Variants in SEPTIN2 observed in about 807,000 individuals in gnomAD.
SEPTIN2 encodes septin 2, also known as septin-2.
In SEPTIN2, 34 loss-of-function variants were observed where a neutral mutation model predicts 46.5. That is an observed-to-expected ratio of 0.73 (90% CI 0.56 to 0.97). The LOEUF (loss-of-function observed/expected upper bound fraction) is 0.97, where lower values mean the gene tolerates loss of function less well. Among genes scored for constraint, SEPTIN2 ranks in the 50% least tolerant of loss-of-function variants. The probability of loss-of-function intolerance (pLI) is 0.00; values close to 1 mark genes in which losing one functional copy is unlikely to be tolerated. For synonymous variants in SEPTIN2, 175 were observed against 153.4 expected, an observed-to-expected ratio of 1.14 and a Z score of -1.04; for missense variants, 347 against 448.4, an observed-to-expected ratio of 0.77 and a Z score of 2.04.
intron 5 of SEPTIN2, 104 bp from the exon 6 acceptor site, chr2:241,337,278 A>G (rs1241596591): frequency 9.5e-7 from 1 of 1,047,518 alleles, no homozygotes; most frequent in Non-Finnish European, 1.4e-6. Context: ...AAAATGAATT[A>G]TTAAATTATG....
intron 1 of SEPTIN2, chr2:241,320,158 CTG>C (rs1236668248): frequency 1.1e-5 from 5 of 462,932 alleles, no homozygotes; most frequent in Admixed American, 4.9e-5. Context: ...GTTATTAAAA[CTG>C]TGCTGTCTTC....
At chr2:241,338,882 T>TA (rs1179350173) in intron 7 of SEPTIN2, among the ~76,000 whole-genome samples, 13 of 91,232 alleles carry the variant, frequency 1.4e-4, no homozygotes, top group African/African-American at 6.5e-4. Flanking sequence ...TTAATATATC[T>TA]ATAATATATA....
chr2:241,350,632 C>A (rs78091761), intron 12 of SEPTIN2, among the ~76,000 whole-genome samples: 19 of 152,284 alleles, frequency 1.2e-4, no homozygotes, highest in African/African-American at 3.8e-4. Context: ...AGAGATGGCA[C>A]AAGGAAGAAG....
intron 6 of SEPTIN2, 41 bp from the exon 7 acceptor site, chr2:241,337,632 T>C (rs2080254797): frequency 1.9e-6 from 3 of 1,585,648 alleles, no homozygotes; most frequent in East Asian, 2.2e-5. Flanking sequence ...GTTTTGTATG[T>C]ATTTTTTTTA....
At chr2:241,345,723 C>CT (rs2060168056) in intron 9 of SEPTIN2, among the ~76,000 whole-genome samples, 3 of 152,180 alleles carry the variant, frequency 2.0e-5, no homozygotes, top group Admixed American at 6.5e-5. Context: ...CTAACCAACT[C>CT]TTTTTTCTCA....
chr2:241,343,370 A>T (rs537414319), intron 8 of SEPTIN2, among the ~76,000 whole-genome samples: 4 of 152,180 alleles, frequency 2.6e-5, no homozygotes, highest in African/African-American at 9.6e-5. Flanking sequence ...GTGGTGGTGC[A>T]CACCTGTAGT....
intron 7 of SEPTIN2, among the ~76,000 whole-genome samples, chr2:241,338,923 G>T (rs1354631027): frequency 2.6e-4 from 17 of 66,124 alleles, no homozygotes; most frequent in Admixed American, 7.7e-4. Flanking sequence ...ATATATAATT[G>T]TACATATATT....
Position 241,324,198 on chromosome 2 carries a change from GTGT to G in SEPTIN2, c.-17-16_-17-14del, listed in dbSNP as rs754497959. On this transcript the variant is annotated splice_polypyrimidine_tract_variant and intron_variant, in intron 1 of 12. Coordinates refer to ENST00000391971, the MANE Select transcript of SEPTIN2 (RefSeq NM_004404.5). ...TGTATGTGCGTTTATGTGTGTCTGT[GTGT>G]TTTTTTTTTAACAGACGAAGCTTCA... 1.9e-6 allele frequency: 3 copies of G among 1,606,976 alleles called. No homozygotes were observed. The highest frequency in any genetic ancestry group is 2.2e-5 in the South Asian group (2 of 89,006).
At chr2:241,317,787 A>G (rs1575111910) in intron 1 of SEPTIN2, among the ~76,000 whole-genome samples, 1 of 152,260 alleles carries the variant, frequency 6.6e-6, no homozygotes, top group African/African-American at 2.4e-5. Flanking sequence ...TTCATCTTCT[A>G]TCTTTTGTTT....
intron 11 of SEPTIN2, among the ~76,000 whole-genome samples, 160 bp from the exon 12 acceptor site, chr2:241,349,913 G>A (rs1243324179): frequency 1.3e-5 from 2 of 152,158 alleles, no homozygotes; most frequent in Admixed American, 1.3e-4. Flanking sequence ...CTCTTTAGCT[G>A]TTGCTTTTTT....
At chr2:241,334,013 G>A (rs2079481442) in intron 3 of SEPTIN2, among the ~76,000 whole-genome samples, 2 of 150,912 alleles carry the variant, frequency 1.3e-5, no homozygotes, top group East Asian at 3.9e-4. Flanking sequence ...ACAACACCTG[G>A]CTAAGGTTTT....
rs1157427929 is a variant in SEPTIN2 at position 241,338,836 on chromosome 2, A to AT, written c.594+1047dup. Among the ~76,000 whole-genome samples the AT allele has an allele frequency of 4.2e-3, 420 of 99,198 alleles. 4 individuals carry two copies. The highest frequency in any genetic ancestry group is 0.017 in the African/African-American group (359 of 21,268). The allele number at this position is 99,198 out of a possible 152,430, so 65.1% of individuals were successfully genotyped here. On this transcript the variant is annotated intron_variant, in intron 7 of 12. Transcript: ENST00000391971. Reference sequence around the variant, plus strand: ...TTTATATTATTTATATATAATATATATAATAAATATATAATATATATAAAA... The same window carrying AT: ...TTTATATTATTTATATATAATATATATTAATAAATATATAATATATATAAAA...
chr2:241,332,472 C>G (rs1374245659), intron 3 of SEPTIN2, among the ~76,000 whole-genome samples: 1 of 152,120 alleles, frequency 6.6e-6, no homozygotes, highest in African/African-American at 2.4e-5. Context: ...CATGAGATGC[C>G]ACTACCCAGC....
intron 1 of SEPTIN2, chr2:241,318,164 G>A (rs1381465030): frequency 6.6e-6 from 1 of 151,866 alleles, no homozygotes; most frequent in African/African-American, 2.4e-5. Context: ...GGAGAAACTT[G>A]GTAAAGTCAA....
chr2:241,322,617 A>T (rs2077304283), intron 1 of SEPTIN2, among the ~76,000 whole-genome samples: 1 of 151,992 alleles, frequency 6.6e-6, no homozygotes, highest in African/African-American at 2.4e-5. Context: ...AAAAAAAAAA[A>T]AGAAAAGAGA....
At chr2:241,333,598 C>T (rs1431352758) in intron 3 of SEPTIN2, among the ~76,000 whole-genome samples, 1 of 145,992 alleles carries the variant, frequency 6.8e-6, no homozygotes, top group Non-Finnish European at 1.5e-5. Flanking sequence ...CAAGCTCCGC[C>T]TCCCGGGTTC....
At position 241,337,727 on chromosome 2, in the gene SEPTIN2, T is replaced by G; in HGVS notation, c.531T>G (p.Ile177Met). ...FMKAIHNKVNIVPVIAKADTL... is the reference protein window; with the variant it reads ...FMKAIHNKVNMVPVIAKADTL... ...AGGCAATACACAACAAGGTGAATATTGTGCCTGTCATTGCAAAAGCTGACA... is the reference window on the plus strand; with the variant it reads ...AGGCAATACACAACAAGGTGAATATGGTGCCTGTCATTGCAAAAGCTGACA... Residue 177 changes from isoleucine to methionine, a missense_variant, in exon 7 of 13, where the codon ATT becomes ATG. Physicochemically the swap from Ile to Met is conservative, Grantham distance 10 (BLOSUM62 1). Coordinates refer to ENST00000391971, the MANE Select transcript of SEPTIN2 (RefSeq NM_004404.5). The G allele has an allele frequency of 6.2e-7, 1 of 1,614,156 alleles. No homozygotes were observed. The highest frequency in any genetic ancestry group is 8.5e-7 in the Non-Finnish European group (1 of 1,180,014).
intron 3 of SEPTIN2, among the ~76,000 whole-genome samples, chr2:241,331,523 T>C (rs1274107875): frequency 6.6e-6 from 1 of 152,176 alleles, no homozygotes; most frequent in Non-Finnish European, 1.5e-5. Context: ...CCCAAGTAGC[T>C]GGGACTACAG....
chr2:241,335,835 T>G, intron 4 of SEPTIN2, 140 bp from the exon 5 acceptor site: 1 of 1,072,340 alleles, frequency 9.3e-7, no homozygotes, highest in South Asian at 1.4e-5. Flanking sequence ...CTGGGATCTT[T>G]TTTTCTTAAT....
Sources: allele counts gnomAD v4.1 joint callset (sites outside exome capture counted in the v4.1 genomes callset), GRCh38; gene constraint gnomAD v4.1.1; transcripts MANE v1.5; gene names NCBI Gene and HGNC (gene_info 2026-07-23, HGNC 2026-07-21).